SHQ1: variants seen among roughly 807,000 people sequenced by gnomAD.
SHQ1 encodes the protein SHQ1, H/ACA ribonucleoprotein assembly factor, also known as protein SHQ1 homolog.
In SHQ1, 49 loss-of-function variants were observed where a neutral mutation model predicts 53.8. The ratio of observed to expected loss-of-function variants is 0.91; its 90% CI spans 0.72 to 1.16. SHQ1 has a LOEUF of 1.16. SHQ1 is among the 50% of genes most tolerant of loss of function. The pLI is 0.00. For missense variants in SHQ1, 738 were observed against 683.1 expected (o/e 1.08, Z -0.90); for synonymous variants, 243 against 251.0 (o/e 0.97, Z 0.30).
At chr3:72,832,027 T>A (rs764503697) in intron 5 of SHQ1, among the ~76,000 whole-genome samples, 9 of 152,370 alleles carry the variant, frequency 5.9e-5, no homozygotes, top group Non-Finnish European at 8.8e-5. Context: ...TATTTTCATT[T>A]ATGCATACCA....
chr3:72,763,070 G>A (rs1257850371), intron 10 of SHQ1, among the ~76,000 whole-genome samples: 2 of 151,634 alleles, frequency 1.3e-5, no homozygotes, highest in African/African-American at 4.9e-5. Context: ...CACAGAGAGA[G>A]AGAGAGAGAG....
Position 72,750,787 on chromosome 3 carries a change from T to C in SHQ1, c.1231A>G (p.Thr411Ala). ...AGTTCTAACCCCAGCTGGGCCTTTG[T>C]AAGGGAGACTTCCTTTAAGGCTTCT... Reference protein sequence around the residue: ...LAEALKEVSLTKAQLGLELEE... With the variant: ...LAEALKEVSLAKAQLGLELEE... The change falls in exon 11 of 11, where the codon ACA becomes GCA. Residue 411 changes from threonine (T) to alanine (A), a missense_variant. Physicochemically the swap from Thr to Ala is moderately conservative, Grantham distance 58 (BLOSUM62 0). Transcript: ENST00000325599. 2 of 1,549,506 alleles carry C rather than the reference T, an allele frequency of 1.3e-6. No individual in the cohort carries two copies. The highest frequency in any genetic ancestry group is 2.4e-5 in the East Asian group (1 of 40,890).
intron 10 of SHQ1, among the ~76,000 whole-genome samples, chr3:72,776,573 G>T (rs981004677): frequency 1.3e-5 from 2 of 152,074 alleles, no homozygotes; most frequent in African/African-American, 4.8e-5. Flanking sequence ...CAGGCAGTTT[G>T]TAAGTAATTT....
chr3:72,766,306 T>C (rs1183012391), intron 10 of SHQ1, among the ~76,000 whole-genome samples: 1 of 152,150 alleles, frequency 6.6e-6, no homozygotes, highest in Non-Finnish European at 1.5e-5. Context: ...AGCTAATTGC[T>C]AGTCTCCAGA....
At chr3:72,783,021 C>T (rs1239412926) in intron 10 of SHQ1, among the ~76,000 whole-genome samples, 4 of 152,076 alleles carry the variant, frequency 2.6e-5, no homozygotes, top group Non-Finnish European at 5.9e-5. Context: ...CTTTGAGGTA[C>T]AAAAATACAC....
chr3:72,748,983 A>G (rs536450235), downstream of SHQ1, among the ~76,000 whole-genome samples: 1 of 151,950 alleles, frequency 6.6e-6, no homozygotes, highest in East Asian at 1.9e-4. Context: ...ACACACACAC[A>G]CACACACACA....
intron 10 of SHQ1, among the ~76,000 whole-genome samples, chr3:72,767,637 C>T (rs918248643): frequency 2.0e-5 from 3 of 152,240 alleles, no homozygotes. Context: ...GTCCTCAAGA[C>T]TTACTGGCAA....
chr3:72,836,049 A>G (rs1182094353), intron 4 of SHQ1, among the ~76,000 whole-genome samples: 1 of 152,174 alleles, frequency 6.6e-6, no homozygotes, highest in African/African-American at 2.4e-5. Context: ...CCGGTGTCCA[A>G]TATTAAATCA....
At chr3:72,814,980 CGTGT>C (rs143102448) in intron 8 of SHQ1, among the ~76,000 whole-genome samples, 5 of 151,158 alleles carry the variant, frequency 3.3e-5, no homozygotes, top group Admixed American at 1.3e-4. Flanking sequence ...CATTATTTTT[CGTGT>C]GTGTGTGTGT....
chr3:72,813,591 G>A (rs761000987), intron 8 of SHQ1, among the ~76,000 whole-genome samples: 4 of 151,420 alleles, frequency 2.6e-5, no homozygotes, highest in African/African-American at 7.3e-5. Flanking sequence ...ATGAAACCCC[G>A]TCTCTACTAA....
chr3:72,728,637 T>G, the SHQ1 span, among the ~76,000 whole-genome samples: 1 of 152,224 alleles, frequency 6.6e-6, no homozygotes, highest in African/African-American at 2.4e-5. Flanking sequence ...CAAATCTGCC[T>G]CTACCACTTC....
chr3:72,761,650 G>A (rs536538275), intron 10 of SHQ1, among the ~76,000 whole-genome samples: 5 of 152,244 alleles, frequency 3.3e-5, no homozygotes, highest in South Asian at 2.1e-4. Flanking sequence ...GGCTTTCTAA[G>A]TATTTCACAT....
intron 9 of SHQ1, among the ~76,000 whole-genome samples, chr3:72,811,966 T>C (rs1707137559): frequency 1.3e-5 from 2 of 152,216 alleles, no homozygotes; most frequent in African/African-American, 2.4e-5. Flanking sequence ...AACTAATACA[T>C]ACAAATGGAT....
At chr3:72,831,250 T>C (rs1228168010) in intron 5 of SHQ1, among the ~76,000 whole-genome samples, 1 of 152,222 alleles carries the variant, frequency 6.6e-6, no homozygotes, top group African/African-American at 2.4e-5. Context: ...TACACATCAC[T>C]CATTCCATTT....
At chr3:72,825,399 CCAT>C (rs912376425) in intron 5 of SHQ1, among the ~76,000 whole-genome samples, 3 of 149,412 alleles carry the variant, frequency 2.0e-5, no homozygotes, top group African/African-American at 7.4e-5. Context: ...CACACACACA[CCAT>C]TTTTGGCATG....
At chr3:72,844,183 G>C (rs923324884) in intron 2 of SHQ1, among the ~76,000 whole-genome samples, 176 bp downstream of exon 2, 1 of 152,156 alleles carries the variant, frequency 6.6e-6, no homozygotes, top group Non-Finnish European at 1.5e-5. Flanking sequence ...TAAAAGACTT[G>C]TGAGGGGTGG....
chr3:72,761,597 T>C (rs1705609753), intron 10 of SHQ1, among the ~76,000 whole-genome samples: 1 of 152,202 alleles, frequency 6.6e-6, no homozygotes, highest in South Asian at 2.1e-4. Context: ...ACAGTATCCG[T>C]TAATACAAAA....
chr3:72,734,096 GT>G, the SHQ1 span, among the ~76,000 whole-genome samples: 1 of 151,014 alleles, frequency 6.6e-6, no homozygotes, highest in Non-Finnish European at 1.5e-5. Context: ...AGGAACAGAG[GT>G]TGCAGTGAGC....
chr3:72,772,013 A>C (rs561729113), intron 10 of SHQ1, among the ~76,000 whole-genome samples: 31 of 152,160 alleles, frequency 2.0e-4, no homozygotes, highest in Admixed American at 3.3e-4. Flanking sequence ...AGGGGGAATT[A>C]ATCCACAAAA....
Sources: gnomAD v4.1 joint callset for allele counts (sites outside exome capture counted in the v4.1 genomes callset) on GRCh38, gnomAD v4.1.1 for gene constraint, MANE v1.5 for transcripts, NCBI Gene and HGNC (gene_info 2026-07-23, HGNC 2026-07-21) for gene names.